Variants in THADA observed in about 807,000 individuals in gnomAD.
THADA encodes the protein tRNA (32-2'-O)-methyltransferase regulator THADA.
THADA carries 213 observed loss-of-function variants against 219.8 expected under a neutral mutation model. That is an observed-to-expected ratio of 0.97 (90% CI 0.87 to 1.09). The LOEUF is 1.09. Among genes scored for constraint, THADA ranks in the 50% least tolerant of loss-of-function variants. The probability of loss-of-function intolerance (pLI) is 0.00; values close to 1 mark genes in which losing one functional copy is unlikely to be tolerated. For synonymous variants in THADA, 1,018 were observed against 828.9 expected (o/e 1.23, Z -3.92); for missense variants, 2,956 against 2,311.3 (o/e 1.28, Z -5.72).
intron 26 of THADA, among the ~76,000 whole-genome samples, chr2:43,463,697 TCCAATGGTG>T (rs143060278): frequency 0.17 from 26,327 of 152,114 alleles, 3,301 homozygotes; most frequent in African/African-American, 0.35. Context: ...AAAGGCAAAT[TCCAATGGTG>T]CCAATGGTGC....
At chr2:43,440,889 C>A (rs1680763441) in intron 26 of THADA, among the ~76,000 whole-genome samples, 1 of 152,122 alleles carries the variant, frequency 6.6e-6, no homozygotes, top group Non-Finnish European at 1.5e-5. Flanking sequence ...TAAAGTCATT[C>A]TTTTAATTGA....
At chr2:43,433,246 G>T (rs902624364) in intron 26 of THADA, among the ~76,000 whole-genome samples, 8 of 151,964 alleles carry the variant, frequency 5.3e-5, no homozygotes, top group African/African-American at 1.7e-4. Flanking sequence ...AAGGAGATGT[G>T]CTGCTGGGTG....
chr2:43,522,166 G>A (rs551251975), intron 22 of THADA, among the ~76,000 whole-genome samples: 2 of 152,176 alleles, frequency 1.3e-5, no homozygotes, highest in Admixed American at 6.5e-5. Flanking sequence ...ATGTGTGCAG[G>A]AAGGTTGTTT....
intron 25 of THADA, among the ~76,000 whole-genome samples, chr2:43,490,570 T>C (rs1687500731): frequency 6.6e-6 from 1 of 152,204 alleles, no homozygotes; most frequent in African/African-American, 2.4e-5. Context: ...TGCTTAATAA[T>C]GTGGGTTTTG....
chr2:43,408,464 C>T (rs1057312122), intron 28 of THADA: 1 of 152,196 alleles, frequency 6.6e-6, no homozygotes, highest in Admixed American at 6.5e-5. Flanking sequence ...ACATACATGT[C>T]AGCACATTGG....
intron 28 of THADA, among the ~76,000 whole-genome samples, chr2:43,399,042 A>T (rs1411986461): frequency 6.6e-6 from 1 of 152,200 alleles, no homozygotes; most frequent in Non-Finnish European, 1.5e-5. Flanking sequence ...CTTCACAAAC[A>T]ATCAGAAACT....
chr2:43,404,621 A>T (rs1263440448), intron 28 of THADA, among the ~76,000 whole-genome samples: 2 of 152,034 alleles, frequency 1.3e-5, no homozygotes, highest in Admixed American at 1.3e-4. Flanking sequence ...CATCTCACTT[A>T]CCTTCCCCAC....
At chr2:43,363,061 C>T (rs1442346127) in intron 29 of THADA, among the ~76,000 whole-genome samples, 1 of 152,098 alleles carries the variant, frequency 6.6e-6, no homozygotes, top group East Asian at 1.9e-4. Flanking sequence ...AATCACAATG[C>T]CTGAGACTGT....
chr2:43,580,806 G>T (rs1026839812), intron 8 of THADA, among the ~76,000 whole-genome samples: 4 of 151,954 alleles, frequency 2.6e-5, no homozygotes, highest in Admixed American at 6.6e-5. Flanking sequence ...CTTGAATCTG[G>T]GAGGCAGAGG....
chr2:43,534,204 CAAAT>C (rs1303033439), intron 21 of THADA, among the ~76,000 whole-genome samples: 1 of 151,972 alleles, frequency 6.6e-6, no homozygotes, highest in African/African-American at 2.4e-5. Context: ...TTTTCATTGA[CAAAT>C]AATTATCCAT....
At chr2:43,494,096 C>A (rs1031544653) in intron 25 of THADA, among the ~76,000 whole-genome samples, 8 of 152,210 alleles carry the variant, frequency 5.3e-5, no homozygotes, top group African/African-American at 1.9e-4. Context: ...ACTGGACATG[C>A]GATCTGGCTT....
At chr2:43,329,764 A>C (rs1254495651) in intron 30 of THADA, among the ~76,000 whole-genome samples, 1 of 152,216 alleles carries the variant, frequency 6.6e-6, no homozygotes, top group Non-Finnish European at 1.5e-5. Context: ...AAGCAATTAG[A>C]AACCACGTAG....
chr2:43,410,664 T>C (rs1209252885), intron 28 of THADA, among the ~76,000 whole-genome samples: 1 of 149,814 alleles, frequency 6.7e-6, no homozygotes, highest in East Asian at 2.0e-4. Flanking sequence ...TCCGTTTACT[T>C]AAAATTCTAG....
chr2:43,454,016 C>T (rs1291240302), intron 26 of THADA, among the ~76,000 whole-genome samples: 8 of 152,146 alleles, frequency 5.3e-5, no homozygotes, highest in Non-Finnish European at 1.2e-4. Context: ...GTAGCTAGGA[C>T]TACAGGCATG....
intron 36 of THADA, among the ~76,000 whole-genome samples, chr2:43,248,740 A>C (rs971746708): frequency 2.2e-4 from 34 of 152,300 alleles, no homozygotes; most frequent in African/African-American, 7.9e-4. Flanking sequence ...AAAAGGACAC[A>C]AATCTCCTCC....
intron 26 of THADA, among the ~76,000 whole-genome samples, chr2:43,445,510 T>C (rs1187892113): frequency 2.0e-5 from 3 of 152,204 alleles, no homozygotes; most frequent in African/African-American, 7.2e-5. Context: ...TGTGTATTCA[T>C]AGCGATGGAT....
At chr2:43,352,678 G>T (rs997603167) in intron 29 of THADA, among the ~76,000 whole-genome samples, 1 of 151,560 alleles carries the variant, frequency 6.6e-6, no homozygotes, top group Non-Finnish European at 1.5e-5. Context: ...AGAGGGAGAG[G>T]GGGAGAGAGA....
chr2:43,409,862 A>C (rs1573513434), intron 28 of THADA, among the ~76,000 whole-genome samples: 1 of 151,824 alleles, frequency 6.6e-6, no homozygotes, highest in African/African-American at 2.4e-5. Flanking sequence ...ACAAAAAATA[A>C]AAAAAATAGC....
intron 28 of THADA, among the ~76,000 whole-genome samples, chr2:43,398,564 T>C (rs888467722): frequency 6.6e-6 from 1 of 152,104 alleles, no homozygotes; most frequent in Non-Finnish European, 1.5e-5. Context: ...TGACCAAAAG[T>C]ACGAGACAGT....
Sources: gnomAD v4.1 joint callset for allele counts (sites outside exome capture counted in the v4.1 genomes callset) on GRCh38, gnomAD v4.1.1 for gene constraint, MANE v1.5 for transcripts, NCBI Gene and HGNC (gene_info 2026-07-23, HGNC 2026-07-21) for gene names.